The following IL5RA variants were observed in gnomAD, a reference collection of about 807,000 sequenced individuals.
IL5RA encodes the protein interleukin 5 receptor subunit alpha.
Under a neutral mutation model 50.0 loss-of-function variants are expected in IL5RA, and 49 were observed. The ratio of observed to expected loss-of-function variants is 0.98; its 90% CI spans 0.78 to 1.24. The LOEUF is 1.24. Among genes scored for constraint, IL5RA ranks in the 50% most tolerant of loss-of-function variants. IL5RA has a pLI of 0.00. For synonymous variants in IL5RA, 202 were observed against 174.0 expected, an observed-to-expected ratio of 1.16 and a Z score of -1.26; for missense variants, 600 against 500.4, an observed-to-expected ratio of 1.20 and a Z score of -1.90.
rs372790057 is a variant in IL5RA at position 3,087,353 on chromosome 3, C to G, written c.994+4871G>C. ...CCCCCTCCCTGCTGTCCCCTGTGCT[C>G]CTTGGCTGGCCAGGGACCTTACCAA... On this transcript the variant is annotated intron_variant, in intron 9 of 11. Coordinates refer to ENST00000446632, the MANE Select transcript of IL5RA (RefSeq NM_175726.4). Among the ~76,000 whole-genome samples the G allele has an allele frequency of 7.9e-5, 12 of 152,294 alleles. 1 individual carries two copies. Among genetic ancestry groups the G allele is most frequent in the East Asian group, 3.9e-4 (2 of 5,188 alleles).
At chr3:3,105,317 A>G (rs1703857725) in intron 2 of IL5RA, among the ~76,000 whole-genome samples, 1 of 152,230 alleles carries the variant, frequency 6.6e-6, no homozygotes, top group Non-Finnish European at 1.5e-5. Context: ...CGCACACAAC[A>G]GGGAAGAGAC....
intron 11 of IL5RA, among the ~76,000 whole-genome samples, chr3:3,073,366 C>T (rs1559859757): frequency 6.6e-6 from 1 of 152,198 alleles, no homozygotes; most frequent in Non-Finnish European, 1.5e-5. Context: ...GGTTGGCAAA[C>T]TACAGCCGCG....
intron 3 of IL5RA, chr3:3,103,052 T>C (rs6766682): frequency 0.048 from 15,888 of 333,226 alleles, 784 homozygotes; most frequent in African/African-American, 0.16. Context: ...TGTGGGTTTT[T>C]TGGTATTTTT....
At chr3:3,091,031 T>C (rs1703075558) in intron 9 of IL5RA, among the ~76,000 whole-genome samples, 1 of 152,166 alleles carries the variant, frequency 6.6e-6, no homozygotes, top group African/African-American at 2.4e-5. Context: ...ACAGAGACGA[T>C]GCCCATCTTA....
chr3:3,086,782 C>A (rs3856844), intron 9 of IL5RA, among the ~76,000 whole-genome samples: 44,599 of 152,058 alleles, frequency 0.29, 7,088 homozygotes, highest in African/African-American at 0.41. Context: ...ATCACAGCAC[C>A]ATTCACAATT....
chr3:3,069,589 A>T lies in IL5RA; in HGVS notation c.*636T>A, dbSNP rs1251878447. 6.6e-6 allele frequency: 1 copy of T among 151,772 alleles called. No individual in the cohort carries two copies. The highest frequency in any genetic ancestry group is 1.5e-5 in the Non-Finnish European group (1 of 68,006). The allele number at this position is 151,772 out of a possible 1,614,324, so 9.4% of individuals were successfully genotyped here. A position where few individuals can be genotyped will look rare whatever the true frequency, so the allele number is the denominator to read the frequency against. ...TATGCTTTTAAATTAGTTGGTTTCA[A>T]ATGATGTATCCTGGATCAGGCCTCT... On this transcript the variant is annotated 3_prime_UTR_variant, in exon 12 of 12. Transcript: ENST00000446632.
At chr3:3,074,260 G>A (rs1313233042) in intron 11 of IL5RA, among the ~76,000 whole-genome samples, 2 of 152,196 alleles carry the variant, frequency 1.3e-5, no homozygotes, top group African/African-American at 4.8e-5. Context: ...GAAACATGGA[G>A]TCTTAAAACA....
intron 8 of IL5RA, among the ~76,000 whole-genome samples, chr3:3,094,456 GCTGGATAATATC>G (rs1324236892): frequency 6.6e-6 from 1 of 152,252 alleles, no homozygotes; most frequent in Non-Finnish European, 1.5e-5. Flanking sequence ...TCCTTTTAAT[GCTGGATAATATC>G]CTATTATATG....
chr3:3,071,291 A>G (rs1049674094), intron 11 of IL5RA, among the ~76,000 whole-genome samples: 4 of 152,150 alleles, frequency 2.6e-5, no homozygotes, highest in African/African-American at 9.7e-5. Flanking sequence ...TCTCTTGGCC[A>G]TTGTAGAAAC....
rs1702215063 is a variant in IL5RA at position 3,069,109 on chromosome 3, C to T, written c.*1116G>A. 1 of 152,248 alleles carries T rather than the reference C, an allele frequency of 6.6e-6. No homozygotes were observed. Among genetic ancestry groups the T allele is most frequent in the Non-Finnish European group, 1.5e-5 (1 of 68,102 alleles). The allele number at this position is 152,248 out of a possible 1,614,324, so 9.4% of individuals were successfully genotyped here. On this transcript the variant is annotated 3_prime_UTR_variant, in exon 12 of 12. Transcript: ENST00000446632. ...CACTGTTACCTCCTTTCTAGGCCTT[C>T]AGCTTCTTGACCAAGGGCCATGTGG... is the stretch of plus-strand genomic sequence containing the variant.
In IL5RA at chr3:3,102,670, CT is replaced by C; in HGVS notation, c.228+4del. ...ATAAGGATATCCATTAGAATAAACA[CT>C]TACGTCATCTTCTTTTGGAGCGTTT... On this transcript the variant is annotated splice_donor_region_variant and intron_variant, in intron 4 of 11. Transcript: ENST00000446632. 4 of 1,569,174 alleles carry C rather than the reference CT, an allele frequency of 2.5e-6. No individual in the cohort carries two copies. The highest frequency in any genetic ancestry group is 3.5e-6 in the Non-Finnish European group (4 of 1,148,248).
intron 10 of IL5RA, among the ~76,000 whole-genome samples, chr3:3,075,893 C>G (rs892857371): frequency 1.3e-5 from 2 of 152,172 alleles, no homozygotes; most frequent in African/African-American, 4.8e-5. Context: ...AGCCCCCACA[C>G]CCGGACCTTA....
chr3:3,078,556 A>T (rs113355121), intron 9 of IL5RA, among the ~76,000 whole-genome samples: 3 of 152,200 alleles, frequency 2.0e-5, no homozygotes, highest in African/African-American at 7.2e-5. Context: ...AATAAGGGCT[A>T]GGTGCGGTGG....
chr3:3,093,644 T>G (rs139986219), intron 8 of IL5RA, among the ~76,000 whole-genome samples: 2 of 152,352 alleles, frequency 1.3e-5, no homozygotes, highest in East Asian at 3.9e-4. Context: ...GACTAGTTTC[T>G]CTTCATCCTT....
chr3:3,079,565 G>C (rs1374164284), intron 9 of IL5RA, among the ~76,000 whole-genome samples: 2 of 152,190 alleles, frequency 1.3e-5, no homozygotes, highest in Non-Finnish European at 2.9e-5. Flanking sequence ...TGTAGTCTCA[G>C]CTTGCTGTGA....
chr3:3,098,349 C>T, intron 5 of IL5RA, 59 bp from the exon 6 acceptor site: 1 of 1,465,662 alleles, frequency 6.8e-7, no homozygotes, highest in Admixed American at 1.7e-5. Flanking sequence ...GAATTTCATG[C>T]TTCTTTTGGA....
rs983358184 is a variant in IL5RA at position 3,090,056 on chromosome 3, A to T, written c.994+2168T>A. ...GCCCCATCCCTGCCACTTGTTGGCCATGCAGAACAGAGTTAAGCCAATTAC... is the reference window on the plus strand; with the variant it reads ...GCCCCATCCCTGCCACTTGTTGGCCTTGCAGAACAGAGTTAAGCCAATTAC... On this transcript the variant is annotated intron_variant, in intron 9 of 11. Coordinates refer to ENST00000446632, the MANE Select transcript of IL5RA (RefSeq NM_175726.4). The T allele has an allele frequency of 4.6e-6, 3 of 653,970 alleles. No homozygotes were observed. The African/African-American group carries it at 5.6e-5, about 12-fold the overall frequency. 40.5% of individuals were successfully genotyped at this position (653,970 alleles called of 1,614,324 possible).
Position 3,105,846 on chromosome 3 carries a change from T to C in IL5RA, c.-3-859A>G, listed in dbSNP as rs187357868. 5.2e-4 allele frequency among the ~76,000 whole-genome samples: 79 copies of C among 152,332 alleles called. 2 individuals carry two copies. In the East Asian group the frequency reaches 0.013, roughly 25 times the overall value. On this transcript the variant is annotated intron_variant, in intron 2 of 11. Coordinates refer to ENST00000446632, the MANE Select transcript of IL5RA (RefSeq NM_175726.4). ...GAGTCGGTGATCTCTTTCTGGGAAC[T>C]GTAGATGAGAAGTCTTGAGTTTTTC... is the stretch of plus-strand genomic sequence containing the variant.
At position 3,092,592 on chromosome 3, in the gene IL5RA, C is replaced by T. The variant is rs1021277172; in HGVS notation, c.856-230G>A. Among the ~76,000 whole-genome samples, 28 of 152,306 alleles carry T rather than the reference C, an allele frequency of 1.8e-4. No individual in the cohort carries two copies. The highest frequency in any genetic ancestry group is 6.8e-3 in the Middle Eastern group (2 of 294). ...TAACCAAAATATACGAAATGATCAACGGTCAAGATCCAGGTGTTCCTATCC... is the reference window on the plus strand; with the variant it reads ...TAACCAAAATATACGAAATGATCAATGGTCAAGATCCAGGTGTTCCTATCC... On this transcript the variant is annotated intron_variant, in intron 8 of 11. Coordinates refer to ENST00000446632, the MANE Select transcript of IL5RA (RefSeq NM_175726.4). The surrounding 1 kb of genome is among the most constrained non-coding windows in gnomAD (Gnocchi z 4.2).
Sources: gnomAD v4.1 joint callset for allele counts (sites outside exome capture counted in the v4.1 genomes callset) on GRCh38, gnomAD v4.1.1 for gene constraint, Gnocchi (gnomAD v3.1) non-coding constraint, MANE v1.5 for transcripts, NCBI Gene and HGNC (gene_info 2026-07-23, HGNC 2026-07-21) for gene names.